Variants in GPHN observed in about 807,000 individuals in gnomAD.
GPHN encodes the protein gephyrin.
Under a neutral mutation model 95.5 loss-of-function variants are expected in GPHN, and 17 were observed. That is an observed-to-expected ratio of 0.18 (90% confidence interval 0.12 to 0.27). The LOEUF (loss-of-function observed/expected upper bound fraction) is 0.27, where lower values mean the gene tolerates loss of function less well. Ranked by LOEUF, GPHN falls within the 10% of genes least tolerant of loss-of-function variation. The pLI is 1.00. For synonymous variants in GPHN, 320 were observed against 322.5 expected (o/e 0.99, Z 0.08); for missense variants, 660 against 978.1 (o/e 0.67, Z 4.34).
chr14:66,512,639 C>T (rs2058083057), intron 1 of GPHN, among the ~76,000 whole-genome samples: 2 of 151,536 alleles, frequency 1.3e-5, no homozygotes, highest in African/African-American at 4.8e-5. Flanking sequence ...AGACTAGGTA[C>T]TAGAGATTAG....
chr14:67,508,780 A>T, the GPHN span, among the ~76,000 whole-genome samples: 1 of 151,510 alleles, frequency 6.6e-6, no homozygotes, highest in Non-Finnish European at 1.5e-5. Context: ...AACAGAAGAC[A>T]ATTAACTTGC....
the GPHN span, among the ~76,000 whole-genome samples, chr14:67,631,795 C>T: frequency 1.3e-5 from 2 of 152,122 alleles, no homozygotes; most frequent in East Asian, 3.9e-4. Context: ...CCTTGATTCT[C>T]CTGCTTTATC....
At chr14:67,654,788 G>C in the GPHN span, among the ~76,000 whole-genome samples, 47 of 152,012 alleles carry the variant, frequency 3.1e-4, no homozygotes, top group African/African-American at 1.0e-3. Context: ...CTAGCACTTT[G>C]GGAGGCTGAG....
intron 2 of GPHN, among the ~76,000 whole-genome samples, chr14:66,752,749 A>T (rs1337190652): frequency 6.6e-6 from 1 of 152,062 alleles, no homozygotes; most frequent in African/African-American, 2.4e-5. Flanking sequence ...GCCCCAGCAG[A>T]CTTCCTTGAC....
Position 66,739,248 on chromosome 14 carries a change from G to T in GPHN, c.144-37216G>T, listed in dbSNP as rs577638514. ...TTTTTTTTTTTTGAGACAGAGTCTC[G>T]CTCTGTCACCCAGGCTGGAGTGCAG... On this transcript the variant is annotated intron_variant, in intron 2 of 22. Transcript: ENST00000478722. Among the ~76,000 whole-genome samples, 79 of 134,390 alleles carry T rather than the reference G, an allele frequency of 5.9e-4. 2 individuals carry two copies. Among genetic ancestry groups the T allele is most frequent in the African/African-American group, 2.3e-3 (77 of 34,044 alleles). 88.2% of individuals were successfully genotyped at this position (134,390 alleles called of 152,430 possible).
chr14:67,693,094 T>TG, the GPHN span: 1 of 1,423,112 alleles, frequency 7.0e-7, no homozygotes, highest in Non-Finnish European at 9.8e-7. Flanking sequence ...TTCATTCTAC[T>TG]GTCTCAGCCA....
At chr14:67,648,270 C>A in the GPHN span, 3 of 1,438,248 alleles carry the variant, frequency 2.1e-6, no homozygotes, top group South Asian at 2.7e-5. Flanking sequence ...TTCTGCTATT[C>A]CACATCATTG....
At chr14:67,281,320 C>T in the GPHN span, among the ~76,000 whole-genome samples, 2 of 152,144 alleles carry the variant, frequency 1.3e-5, no homozygotes, top group Non-Finnish European at 2.9e-5. Context: ...GATATGTGTT[C>T]AGTCATAGTG....
chr14:67,114,671 CAG>C (rs1318779312), intron 16 of GPHN, among the ~76,000 whole-genome samples: 1 of 152,148 alleles, frequency 6.6e-6, no homozygotes, highest in African/African-American at 2.4e-5. Context: ...GCCTGGGTGA[CAG>C]AGTGAGACCC....
At chr14:67,176,426 C>G (rs2082953416) in intron 21 of GPHN, among the ~76,000 whole-genome samples, 1 of 152,146 alleles carries the variant, frequency 6.6e-6, no homozygotes. Context: ...AGGGATGAAG[C>G]CCACTTGATC....
intron 2 of GPHN, among the ~76,000 whole-genome samples, chr14:66,774,035 G>A (rs1194144236): frequency 4.5e-5 from 5 of 110,550 alleles, no homozygotes; most frequent in Non-Finnish European, 6.6e-5. Context: ...ATGGAGTCTC[G>A]CCCTGTCGCC....
downstream of GPHN, among the ~76,000 whole-genome samples, chr14:67,183,216 T>C (rs1003870212): frequency 2.0e-5 from 3 of 152,188 alleles, no homozygotes; most frequent in South Asian, 2.1e-4. Context: ...GTGCTTGTCA[T>C]GTATTAAGCT....
the GPHN span, among the ~76,000 whole-genome samples, chr14:67,667,481 C>T: frequency 6.6e-6 from 1 of 152,132 alleles, no homozygotes; most frequent in African/African-American, 2.4e-5. Flanking sequence ...GACTATAAGA[C>T]TACTGACCTT....
At chr14:67,584,125 G>C in the GPHN span, 1 of 1,612,658 alleles carries the variant, frequency 6.2e-7, no homozygotes, top group South Asian at 1.1e-5. Context: ...TGCTGCTCAG[G>C]TAAGTGCCAG....
chr14:67,375,943 C>G, the GPHN span, among the ~76,000 whole-genome samples: 1 of 152,138 alleles, frequency 6.6e-6, no homozygotes, highest in Admixed American at 6.5e-5. Flanking sequence ...CCTTTTCTCA[C>G]TCAATTTTTA....
chr14:67,599,031 T>C, the GPHN span, among the ~76,000 whole-genome samples: 2 of 152,162 alleles, frequency 1.3e-5, no homozygotes, highest in East Asian at 1.9e-4. Flanking sequence ...ACGGTTTAGA[T>C]AGTTAGATAG....
chr14:67,375,120 T>A, the GPHN span, among the ~76,000 whole-genome samples: 2 of 152,332 alleles, frequency 1.3e-5, no homozygotes, highest in East Asian at 3.9e-4. Flanking sequence ...TTCCTGCTTG[T>A]CATCCACAGT....
chr14:66,889,507 C>CAAATAGCCAATAAGTT (rs2064363676), intron 5 of GPHN, among the ~76,000 whole-genome samples: 1 of 151,950 alleles, frequency 6.6e-6, no homozygotes, highest in Admixed American at 6.6e-5. Context: ...TAAACACACT[C>CAAATAGCCAATAAGTT]AAATAGCCAA....
At chr14:67,371,120 A>G in the GPHN span, among the ~76,000 whole-genome samples, 3 of 152,124 alleles carry the variant, frequency 2.0e-5, no homozygotes, top group East Asian at 5.8e-4. Context: ...AATTTCAGAA[A>G]GTTAAGGAGG....
Sources: allele counts gnomAD v4.1 joint callset (sites outside exome capture counted in the v4.1 genomes callset), GRCh38; gene constraint gnomAD v4.1.1; transcripts MANE v1.5; gene names NCBI Gene and HGNC (gene_info 2026-07-23, HGNC 2026-07-21).